The following GLB1L variants were observed in gnomAD, a reference collection of about 807,000 sequenced individuals.
The protein encoded by GLB1L is galactosidase beta 1 like.
In GLB1L, 58 loss-of-function variants were observed where a neutral mutation model predicts 75.7. The ratio of observed to expected loss-of-function variants is 0.77; its 90% confidence interval spans 0.62 to 0.95. GLB1L has a LOEUF of 0.95. GLB1L is among the 40% of genes least tolerant of loss of function. The pLI is 0.00. For synonymous variants in GLB1L, 296 were observed against 303.0 expected (o/e 0.98, Z 0.24); for missense variants, 797 against 805.5 (o/e 0.99, Z 0.13).
intron 2 of GLB1L, 46 bp from the exon 3 acceptor site, chr2:219,243,360 G>C: frequency 6.3e-7 from 1 of 1,591,464 alleles, no homozygotes; most frequent in East Asian, 2.2e-5. Context: ...TGGAGGGAGC[G>C]TCGAGGGTCA....
rs1951310727 is a variant in GLB1L at position 219,238,590 on chromosome 2, A to G, written c.1138-6T>C. On this transcript the variant is annotated splice_polypyrimidine_tract_variant and splice_region_variant and intron_variant, in intron 12 of 16. Transcript: ENST00000295759. ...AAAGCCAGTAAATGCCCAACCTATT[A>G]GAATAAGGGAGAAGAATTAGAATAT... is the stretch of plus-strand genomic sequence containing the variant. 5 of 1,610,762 alleles carry G rather than the reference A, an allele frequency of 3.1e-6. No individual in the cohort carries two copies. Among genetic ancestry groups the G allele is most frequent in the East Asian group, 2.2e-5 (1 of 44,868 alleles).
chr2:219,238,425 G>T, intron 13 of GLB1L, 62 bp from the exon 14 acceptor site: 1 of 1,561,994 alleles, frequency 6.4e-7, no homozygotes, highest in Non-Finnish European at 8.8e-7. Context: ...TGTGACTATA[G>T]CCAAGGAACT....
At chr2:219,241,477 T>C (rs1289815671) in intron 5 of GLB1L, among the ~76,000 whole-genome samples, 1 of 143,076 alleles carries the variant, frequency 7.0e-6, no homozygotes, top group Non-Finnish European at 1.5e-5. Context: ...CATACATATA[T>C]ATGTATGTAT....
rs961576196 is a variant in GLB1L, at chr2:219,236,621, A to G, written c.*451T>C. ...TATGTGGAGCTGGTACTGTCTCTGG[A>G]ATTTTAATCACAATAAAGTTTGGCA... On this transcript the variant is annotated 3_prime_UTR_variant, in exon 17 of 17. Transcript: ENST00000295759. The G allele has an allele frequency of 1.1e-5, 9 of 820,702 alleles. No individual in the cohort carries two copies. The highest frequency in any genetic ancestry group is 3.5e-5 in the African/African-American group (2 of 57,840). 50.8% of individuals were successfully genotyped at this position (820,702 alleles called of 1,614,324 possible). A position where few individuals can be genotyped will look rare whatever the true frequency, so the allele number is the denominator to read the frequency against.
chr2:219,242,480 T>C, intron 5 of GLB1L, 34 bp downstream of exon 5: 1 of 1,543,846 alleles, frequency 6.5e-7, no homozygotes, highest in Non-Finnish European at 9.0e-7. Context: ...TTTTACTTAC[T>C]TGCTTCTGTG....
At chr2:219,241,442 G>GTGTGTATA (rs1382897637) in intron 5 of GLB1L, among the ~76,000 whole-genome samples, 16 of 82,890 alleles carry the variant, frequency 1.9e-4, no homozygotes, top group South Asian at 1.0e-3. Context: ...GTGTGTGTGT[G>GTGTGTATA]TATATATATA....
Position 219,242,777 on chromosome 2 carries a change from C to T in GLB1L, c.381G>A (p.Glu127=), listed in dbSNP as rs780266816. ...ILRPGPYICA[E]WEMGGLPSWL... is the part of the protein sequence containing the mutation. ...TCTCCAGCTAACTCACCATCTCCCACTCTGCACAGATGTAAGGTCCTGGTC... is the reference window on the plus strand; with the variant it reads ...TCTCCAGCTAACTCACCATCTCCCATTCTGCACAGATGTAAGGTCCTGGTC... Residue 127 remains glutamate, a synonymous_variant, in exon 4 of 17, where the codon GAG becomes GAA. Coordinates refer to ENST00000295759, the MANE Select transcript of GLB1L (RefSeq NM_001286423.2). 2 of 1,614,066 alleles carry T rather than the reference C, an allele frequency of 1.2e-6. No individual in the cohort carries two copies. Among genetic ancestry groups the T allele is most frequent in the Admixed American group, 1.7e-5 (1 of 59,998 alleles).
rs773572669 is a variant in GLB1L at position 219,237,247 on chromosome 2, C to G, written c.1790G>C (p.Gly597Ala). ...YVPRFLLFPR[G>A]ALNKITLLEL... Reference sequence around the variant, plus strand: ...CAGCAATGTAATTTTGTTGAGGGCTCCCCTAGGAAACAGCAGGAATCTTGG... The same window carrying G: ...CAGCAATGTAATTTTGTTGAGGGCTGCCCTAGGAAACAGCAGGAATCTTGG... The change falls in exon 17 of 17, where the codon GGA (glycine) becomes GCA (alanine). Residue 597 changes from glycine (G) to alanine (A), a missense_variant. Transcript: ENST00000295759. The G allele has an allele frequency of 4.3e-6, 7 of 1,614,118 alleles. No individual in the cohort carries two copies. The highest frequency in any genetic ancestry group is 5.1e-6 in the Non-Finnish European group (6 of 1,180,016).
chr2:219,243,214 A>G lies in GLB1L; in HGVS notation c.173T>C (p.Val58Ala), dbSNP rs763129000. The G allele has an allele frequency of 8.1e-6, 13 of 1,614,110 alleles. No homozygotes were observed. In the South Asian group the frequency reaches 1.4e-4, roughly 18 times the overall value. The change falls in exon 3 of 17, where the codon GTA becomes GCA. Residue 58 changes from valine (V) to alanine (A), a missense_variant. Transcript: ENST00000295759. ...CCGGTCGGCCCAAAGCACCCGCGGT[A>G]CCCGAAAGTAGTGCAGGCTGCCAGA... is the stretch of plus-strand genomic sequence containing the variant. Reference protein sequence around the residue: ...YVSGSLHYFRVPRVLWADRLL... With the variant: ...YVSGSLHYFRAPRVLWADRLL...
At chr2:219,242,741 G>C (rs1289614904) in intron 4 of GLB1L, 27 bp downstream of exon 4, 4 of 1,613,282 alleles carry the variant, frequency 2.5e-6, no homozygotes, top group East Asian at 2.2e-5. Context: ...AGGATAACTG[G>C]TTCTATCCCT....
Position 219,237,629 on chromosome 2 carries a change from G to T in GLB1L, c.1572C>A (p.Leu524=). ...GAGGATATGGCCATTTTGGCAACTG[G>T]AGGGGAAACCACCACTTCACAAGGT... is the stretch of plus-strand genomic sequence containing the variant. ...IDNLVKWWFP[L]QLPKWPYPQA... is the part of the protein sequence containing the mutation. The change falls in exon 16 of 17, where the codon CTC becomes CTA. Residue 524 remains leucine (L), a synonymous_variant. Transcript: ENST00000295759. 3 of 1,614,196 alleles carry T rather than the reference G, an allele frequency of 1.9e-6. No individual in the cohort carries two copies. The highest frequency in any genetic ancestry group is 2.5e-6 in the Non-Finnish European group (3 of 1,180,018).
In GLB1L at chr2:219,236,690, T is replaced by C; in HGVS notation, c.*382A>G. The C allele has an allele frequency of 3.8e-6, 2 of 528,448 alleles. No individual in the cohort carries two copies. Among genetic ancestry groups the C allele is most frequent in the Non-Finnish European group, 6.4e-6 (2 of 310,820 alleles). 32.7% of individuals were successfully genotyped at this position (528,448 alleles called of 1,614,324 possible). The stretch of plus-strand genomic sequence containing the variant: ...TTACATTCAGAGGCACTGTGGCCTT[T>C]AGTTCCTTAGGGTCACCGTGGCCAG... On this transcript the variant is annotated 3_prime_UTR_variant, in exon 17 of 17. Coordinates refer to ENST00000295759, the MANE Select transcript of GLB1L (RefSeq NM_001286423.2).
chr2:219,242,802 C>G lies in GLB1L; in HGVS notation c.356G>C (p.Arg119Thr). Residue 119 changes from arginine to threonine, a missense_variant, in exon 4 of 17, where the codon AGA becomes ACA. Transcript: ENST00000295759. ...AALANLLVIL[R>T]PGPYICAEWE... ...CTCTGCACAGATGTAAGGTCCTGGTCTCAGTATGACCAACAGGTTCGCTAG... is the reference window on the plus strand; with the variant it reads ...CTCTGCACAGATGTAAGGTCCTGGTGTCAGTATGACCAACAGGTTCGCTAG... 3.1e-6 allele frequency: 5 copies of G among 1,614,180 alleles called. No homozygotes were observed. The highest frequency in any genetic ancestry group is 4.2e-6 in the Non-Finnish European group (5 of 1,180,032).
chr2:219,244,594 G>A (rs921837174), intron 1 of GLB1L, among the ~76,000 whole-genome samples: 1 of 152,118 alleles, frequency 6.6e-6, no homozygotes, highest in African/African-American at 2.4e-5. Context: ...CTCCGCAACA[G>A]ATATTAAGGA....
intron 2 of GLB1L, 30 bp from the exon 3 acceptor site, chr2:219,243,344 G>C: frequency 6.3e-7 from 1 of 1,588,260 alleles, no homozygotes; most frequent in East Asian, 2.3e-5. Context: ...CTGCTCAGCA[G>C]ACGCCTGGAG....
rs974498144 is a variant in GLB1L at position 219,236,899 on chromosome 2, G to A, written c.*173C>T. The A allele has an allele frequency of 3.7e-6, 2 of 533,674 alleles. No individual in the cohort carries two copies. The highest frequency in any genetic ancestry group is 6.7e-6 in the Non-Finnish European group (2 of 299,948). 33.1% of individuals were successfully genotyped at this position (533,674 alleles called of 1,614,324 possible). On this transcript the variant is annotated 3_prime_UTR_variant, in exon 17 of 17. Coordinates refer to ENST00000295759, the MANE Select transcript of GLB1L (RefSeq NM_001286423.2). Reference sequence around the variant, plus strand: ...CCTGCCCTCAGCCTCCCAAGTAGCTGGGATTAGAGGTGCCCACCATCACGC... The same window carrying A: ...CCTGCCCTCAGCCTCCCAAGTAGCTAGGATTAGAGGTGCCCACCATCACGC...
chr2:219,242,928 G>A lies in GLB1L; in HGVS notation c.240-10C>T, dbSNP rs745577612. 2 of 1,614,214 alleles carry A rather than the reference G, an allele frequency of 1.2e-6. No individual in the cohort carries two copies. Among genetic ancestry groups the A allele is most frequent in the Admixed American group, 3.3e-5 (2 of 60,030 alleles). On this transcript the variant is annotated splice_polypyrimidine_tract_variant and intron_variant, in intron 3 of 16. Transcript: ENST00000295759. The stretch of plus-strand genomic sequence containing the variant: ...GTTCCAGGGCACATAACTGAGAAAG[G>A]AAGAGGTTAATAGGAACCAAGGTGA...
chr2:219,243,847 C>T (rs1022324595), intron 1 of GLB1L: 1 of 406,668 alleles, frequency 2.5e-6, no homozygotes, highest in African/African-American at 2.0e-5. Flanking sequence ...TGGCTCACGC[C>T]TGTAATCCCA....
At chr2:219,244,005 G>A (rs1316773795) in intron 1 of GLB1L, 1 of 137,144 alleles carries the variant, frequency 7.3e-6, no homozygotes, top group Admixed American at 7.2e-5. Flanking sequence ...TACTCCGAGG[G>A]TGGGGGTGGG....
Sources: gnomAD v4.1 joint callset for allele counts (sites outside exome capture counted in the v4.1 genomes callset) on GRCh38, gnomAD v4.1.1 for gene constraint, MANE v1.5 for transcripts, NCBI Gene and HGNC (gene_info 2026-07-23, HGNC 2026-07-21) for gene names.